FBXW2: variants seen among roughly 807,000 people sequenced by gnomAD.
FBXW2 encodes the protein F-box and WD repeat domain containing 2, also known as F-box/WD repeat-containing protein 2.
FBXW2 carries 12 observed loss-of-function variants against 46.0 expected under a neutral mutation model. That is an observed-to-expected ratio of 0.26 (90% CI 0.17 to 0.42). The LOEUF (loss-of-function observed/expected upper bound fraction) is 0.42. Ranked by LOEUF, FBXW2 falls within the 10% of genes least tolerant of loss-of-function variation. The pLI, the probability that FBXW2 is intolerant of heterozygous loss-of-function variation, is 1.00. For missense variants in FBXW2, 360 were observed against 537.0 expected (o/e 0.67, Z 3.26); for synonymous variants, 203 against 209.6 (o/e 0.97, Z 0.27).
chr9:120,766,183 AG>A (rs531254585), intron 7 of FBXW2, among the ~76,000 whole-genome samples: 26 of 152,338 alleles, frequency 1.7e-4, no homozygotes, highest in Admixed American at 5.2e-4. Flanking sequence ...GACCAGGACA[AG>A]GAAGAACAGC....
chr9:120,783,231 A>C (rs2044653891), intron 3 of FBXW2, among the ~76,000 whole-genome samples: 2 of 152,134 alleles, frequency 1.3e-5, no homozygotes. Flanking sequence ...TAGTGATGCA[A>C]GTCTACTCCT....
intron 1 of FBXW2, 44 bp from the exon 2 acceptor site, chr9:120,793,301 G>A (rs1465610905): frequency 4.5e-6 from 2 of 446,092 alleles, no homozygotes; most frequent in South Asian, 5.2e-5. Context: ...GGTCAGCAGA[G>A]CCGCGGGCGC....
intron 7 of FBXW2, among the ~76,000 whole-genome samples, chr9:120,770,490 A>G (rs376986677): frequency 3.9e-5 from 6 of 152,360 alleles, no homozygotes; most frequent in African/African-American, 1.4e-4. Context: ...TGTGTGCACA[A>G]CAGGTGTGAA....
rs2044152896 is a variant in FBXW2 at position 120,758,533 on chromosome 9, A to AAGGCAGAAGGC, written c.*6015_*6025dup. On this transcript the variant is annotated 3_prime_UTR_variant, in exon 8 of 8. Transcript: ENST00000608872. Reference sequence around the variant, plus strand: ...GGTTGAACAGTGCACACAAGTGGTGAAGGCAGAAGGCAGCAGTCGGGATTT... The same window carrying AAGGCAGAAGGC: ...GGTTGAACAGTGCACACAAGTGGTGAAGGCAGAAGGCAGGCAGAAGGCAGCAGTCGGGATTT... 1 of 152,220 alleles carries AAGGCAGAAGGC rather than the reference A, an allele frequency of 6.6e-6. No homozygotes were observed. The highest frequency in any genetic ancestry group is 2.4e-5 in the African/African-American group (1 of 41,404). The allele number at this position is 152,220 out of a possible 1,614,324, so 9.4% of individuals were successfully genotyped here.
intron 3 of FBXW2, among the ~76,000 whole-genome samples, chr9:120,782,876 CA>C (rs922162393): frequency 7.9e-5 from 12 of 151,854 alleles, no homozygotes; most frequent in African/African-American, 2.4e-4. Context: ...CAAAAACAAA[CA>C]AAAAAATTGG....
intron 7 of FBXW2, among the ~76,000 whole-genome samples, chr9:120,767,319 C>T (rs1450441804): frequency 3.3e-5 from 5 of 152,146 alleles, no homozygotes; most frequent in African/African-American, 1.2e-4. Context: ...GCTCACCTTC[C>T]CAGACTGAAA....
At chr9:120,782,295 G>A (rs769001344) in intron 3 of FBXW2, among the ~76,000 whole-genome samples, 4 of 150,294 alleles carry the variant, frequency 2.7e-5, no homozygotes, top group East Asian at 2.0e-4. Context: ...TTGAAACCCC[G>A]TCTGTACTAA....
Position 120,785,858 on chromosome 9 carries a change from A to G in FBXW2, c.490+1911T>C, listed in dbSNP as rs1201332337. ...AACAAGGTGAAACTCCGCCTCTACT[A>G]AAAATACAAAAAAAATTAGCCGGGT... On this transcript the variant is annotated intron_variant, in intron 3 of 7. Transcript: ENST00000608872. Among the ~76,000 whole-genome samples, 4 of 151,874 alleles carry G rather than the reference A, an allele frequency of 2.6e-5. No homozygotes were observed. In the East Asian group the frequency reaches 7.7e-4, roughly 29 times the overall value.
chr9:120,759,637 G>A lies in FBXW2; in HGVS notation c.*4922C>T, dbSNP rs376055404. Reference sequence around the variant, plus strand: ...TGAAATATGCCTGTTCACAATCTGAGTACAAAGACACCAAAACATGAGCTT... The same window carrying A: ...TGAAATATGCCTGTTCACAATCTGAATACAAAGACACCAAAACATGAGCTT... On this transcript the variant is annotated 3_prime_UTR_variant, in exon 8 of 8. Coordinates refer to ENST00000608872, the MANE Select transcript of FBXW2 (RefSeq NM_012164.4). 1 of 152,194 alleles carries A rather than the reference G, an allele frequency of 6.6e-6. No homozygotes were observed. 9.4% of individuals were successfully genotyped at this position (152,194 alleles called of 1,614,324 possible). A position where few individuals can be genotyped will look rare whatever the true frequency, so the allele number is the denominator to read the frequency against.
At chr9:120,792,547 A>G (rs1400264010) in intron 2 of FBXW2, 2 of 183,156 alleles carry the variant, frequency 1.1e-5, no homozygotes, top group South Asian at 8.8e-5. Context: ...AGTATAATAT[A>G]CTATCAAAAA....
In FBXW2 at chr9:120,777,091, T is replaced by C. The variant is rs2044512796; in HGVS notation, c.686-865A>G. 2.0e-5 allele frequency among the ~76,000 whole-genome samples: 3 copies of C among 152,166 alleles called. No individual in the cohort carries two copies. The South Asian group carries it at 6.2e-4, about 32-fold the overall frequency. On this transcript the variant is annotated intron_variant, in intron 4 of 7. Coordinates refer to ENST00000608872, the MANE Select transcript of FBXW2 (RefSeq NM_012164.4). ...GCAAGCAGAGGGAATAGTAAAGGTA[T>C]GAAGTTAAGAAAAACCTCAGCAATG... is the stretch of plus-strand genomic sequence containing the variant.
intron 7 of FBXW2, among the ~76,000 whole-genome samples, 168 bp from the exon 8 acceptor site, chr9:120,765,015 T>C (rs2044249585): frequency 1.3e-5 from 2 of 151,342 alleles, no homozygotes; most frequent in Non-Finnish European, 2.9e-5. Flanking sequence ...AGCCCACTTA[T>C]AAAAAAGCCG....
At chr9:120,769,805 T>A (rs2044338743) in intron 7 of FBXW2, among the ~76,000 whole-genome samples, 1 of 152,240 alleles carries the variant, frequency 6.6e-6, no homozygotes, top group Non-Finnish European at 1.5e-5. Flanking sequence ...GCAAGGCCCC[T>A]ACCCTGTCTC....
chr9:120,780,701 A>G (rs2044592596), intron 3 of FBXW2, among the ~76,000 whole-genome samples: 1 of 152,208 alleles, frequency 6.6e-6, no homozygotes, highest in Non-Finnish European at 1.5e-5. Context: ...CCAGTGTTCA[A>G]CTGGGGTCTC....
chr9:120,788,244 G>A lies in FBXW2; in HGVS notation c.15C>T (p.Asp5=), dbSNP rs1397849545. ...AAATGTTATCAAGCCATGTCTCAAA[G>A]TCCTTTCTCTCCATAAGGTTATGGA... MERK[D]FETWLDNISV... The change falls in exon 3 of 8, where the codon GAC becomes GAT. Residue 5 remains aspartate, a synonymous_variant. Coordinates refer to ENST00000608872, the MANE Select transcript of FBXW2 (RefSeq NM_012164.4). The A allele has an allele frequency of 6.2e-7, 1 of 1,613,548 alleles. No homozygotes were observed. The highest frequency in any genetic ancestry group is 1.1e-5 in the South Asian group (1 of 91,068).
At chr9:120,774,890 G>A (rs371521300) in intron 5 of FBXW2, among the ~76,000 whole-genome samples, 2 of 152,066 alleles carry the variant, frequency 1.3e-5, no homozygotes, top group Non-Finnish European at 2.9e-5. Flanking sequence ...GGCTCCACTG[G>A]CTTATGTCCA....
rs529054816 is a variant in FBXW2, at chr9:120,763,096, T to A, written c.*1463A>T. The A allele has an allele frequency of 6.6e-6, 1 of 152,306 alleles. No individual in the cohort carries two copies. Among genetic ancestry groups the A allele is most frequent in the East Asian group, 1.9e-4 (1 of 5,192 alleles). The allele number at this position is 152,306 out of a possible 1,614,324, so 9.4% of individuals were successfully genotyped here. ...TTTTCTTTAATCAGTTGTAACGTTT[T>A]AAAAATCCAGGATTTCAAATAAAAA... On this transcript the variant is annotated 3_prime_UTR_variant, in exon 8 of 8. Coordinates refer to ENST00000608872, the MANE Select transcript of FBXW2 (RefSeq NM_012164.4).
At chr9:120,775,057 C>T (rs2044462984) in intron 5 of FBXW2, among the ~76,000 whole-genome samples, 1 of 152,022 alleles carries the variant, frequency 6.6e-6, no homozygotes, top group Non-Finnish European at 1.5e-5. Flanking sequence ...TAATTACTTT[C>T]CTATACTTTT....
At position 120,793,236 on chromosome 9, in the gene FBXW2, G is replaced by C. The variant is rs1002139423; in HGVS notation, c.-108C>G. The C allele has an allele frequency of 4.0e-6, 2 of 505,058 alleles. No individual in the cohort carries two copies. Among genetic ancestry groups the C allele is most frequent in the Non-Finnish European group, 7.0e-6 (2 of 287,114 alleles). 31.3% of individuals were successfully genotyped at this position (505,058 alleles called of 1,614,324 possible). A position where few individuals can be genotyped will look rare whatever the true frequency, so the allele number is the denominator to read the frequency against. ...ACCGCCAGAGCCTTGCAGCGGCCGG[G>C]TCCGCTCCGCAGCCATGGCGCCTGC... On this transcript the variant is annotated 5_prime_UTR_variant, in exon 2 of 8. Coordinates refer to ENST00000608872, the MANE Select transcript of FBXW2 (RefSeq NM_012164.4).
Sources: gnomAD v4.1 joint callset for allele counts (sites outside exome capture counted in the v4.1 genomes callset) on GRCh38, gnomAD v4.1.1 for gene constraint, MANE v1.5 for transcripts, NCBI Gene and HGNC (gene_info 2026-07-23, HGNC 2026-07-21) for gene names.